The following UGT1A10 variants were observed in gnomAD, a reference collection of about 807,000 sequenced individuals.
UGT1A10 encodes the protein UDP-glucuronosyltransferase 1A10.
A neutral mutation model predicts 45.8 loss-of-function variants in UGT1A10; 49 were observed. The ratio of observed to expected loss-of-function variants is 1.07; its 90% CI spans 0.85 to 1.36. UGT1A10 has a LOEUF of 1.36. UGT1A10 is among the 40% of genes most tolerant of loss of function. The pLI, the probability that UGT1A10 is intolerant of heterozygous loss-of-function variation, is 0.00. For missense variants in UGT1A10, 745 were observed against 668.6 expected, an observed-to-expected ratio of 1.11 and a Z score of -1.26; for synonymous variants, 284 against 249.7, an observed-to-expected ratio of 1.14 and a Z score of -1.29.
At chr2:233,704,049 C>A (rs2075765509) in intron 1 of UGT1A10, among the ~76,000 whole-genome samples, 1 of 151,982 alleles carries the variant, frequency 6.6e-6, no homozygotes, top group African/African-American at 2.4e-5. Context: ...CACCAACATG[C>A]CTGGCTAATT....
chr2:233,640,276 G>C (rs1452147606), intron 1 of UGT1A10, among the ~76,000 whole-genome samples: 1 of 152,086 alleles, frequency 6.6e-6, no homozygotes, highest in African/African-American at 2.4e-5. Flanking sequence ...ATAATTTTCA[G>C]TGTTTTGCTG....
intron 1 of UGT1A10, chr2:233,761,044 G>A: frequency 1.9e-6 from 3 of 1,614,190 alleles, no homozygotes; most frequent in Non-Finnish European, 2.5e-6. Context: ...CTCTGCATCT[G>A]TCTGGCTGTT....
At chr2:233,751,711 C>G (rs1187587643) in intron 1 of UGT1A10, among the ~76,000 whole-genome samples, 1 of 152,190 alleles carries the variant, frequency 6.6e-6, no homozygotes, top group Non-Finnish European at 1.5e-5. Context: ...TCCTCCTTCA[C>G]TCACAAGTGA....
intron 1 of UGT1A10, among the ~76,000 whole-genome samples, chr2:233,661,839 G>A (rs1282958582): frequency 1.3e-5 from 2 of 151,358 alleles, no homozygotes; most frequent in Non-Finnish European, 1.5e-5. Flanking sequence ...CATCACTAGC[G>A]ACACTTTGTA....
intron 1 of UGT1A10, chr2:233,713,825 C>T: frequency 1.2e-6 from 2 of 1,614,052 alleles, no homozygotes; most frequent in South Asian, 2.2e-5. Flanking sequence ...TCATTGGGGG[C>T]ATCAACTGTG....
intron 1 of UGT1A10, among the ~76,000 whole-genome samples, chr2:233,661,172 T>C (rs1249586465): frequency 6.6e-6 from 1 of 151,898 alleles, no homozygotes; most frequent in East Asian, 1.9e-4. Flanking sequence ...CAGACTTTTT[T>C]TTTCTGAAAT....
At chr2:233,709,038 G>A (rs2076054065) in intron 1 of UGT1A10, among the ~76,000 whole-genome samples, 1 of 152,112 alleles carries the variant, frequency 6.6e-6, no homozygotes, top group Non-Finnish European at 1.5e-5. Flanking sequence ...TTCAGCCTGA[G>A]TTCTTTTCCC....
chr2:233,648,440 T>TTTATTATTA (rs71058568), intron 1 of UGT1A10: 2 of 156,596 alleles, frequency 1.3e-5, no homozygotes, highest in Non-Finnish European at 2.8e-5. Flanking sequence ...GCTGTGACTT[T>TTTATTATTA]TTATTATTAT....
chr2:233,671,967 T>A (rs779535598), intron 1 of UGT1A10: 1 of 1,613,876 alleles, frequency 6.2e-7, no homozygotes, highest in Non-Finnish European at 8.5e-7. Flanking sequence ...GCCCCCTTCC[T>A]CTATGTGTGT....
Position 233,772,812 on chromosome 2 carries a change from C to A in UGT1A10, c.*253C>A. ...ATGACATGTGCCATTTTTCAGAGGA[C>A]GTGCAGACAGGCTGGCATTCTAGAT... is the stretch of plus-strand genomic sequence containing the variant. On this transcript the variant is annotated 3_prime_UTR_variant, in exon 5 of 5. Transcript: ENST00000344644. The A allele has an allele frequency of 1.9e-6, 2 of 1,035,896 alleles. No homozygotes were observed. Among genetic ancestry groups the A allele is most frequent in the Non-Finnish European group, 2.6e-6 (2 of 759,452 alleles). 64.2% of individuals were successfully genotyped at this position (1,035,896 alleles called of 1,614,324 possible). A position where few individuals can be genotyped will look rare whatever the true frequency, so the allele number is the denominator to read the frequency against.
intron 1 of UGT1A10, among the ~76,000 whole-genome samples, chr2:233,758,187 G>A (rs1223519403): frequency 6.6e-6 from 1 of 152,214 alleles, no homozygotes; most frequent in African/African-American, 2.4e-5. Context: ...ATATTAATTG[G>A]ATTGCTTAGT....
intron 1 of UGT1A10, among the ~76,000 whole-genome samples, chr2:233,732,245 G>A (rs1417876377): frequency 2.0e-5 from 3 of 152,190 alleles, no homozygotes; most frequent in Non-Finnish European, 4.4e-5. Context: ...TAGGTTGCCT[G>A]TTCACTCTGA....
intron 1 of UGT1A10, chr2:233,693,167 G>A (rs1339801155): frequency 2.5e-6 from 4 of 1,614,062 alleles, no homozygotes; most frequent in Non-Finnish European, 3.4e-6. Flanking sequence ...CCGGGGTCAT[G>A]AGATTGTAGT....
At chr2:233,677,348 T>C (rs751226951) in intron 1 of UGT1A10, among the ~76,000 whole-genome samples, 21 of 152,102 alleles carry the variant, frequency 1.4e-4, no homozygotes, top group Non-Finnish European at 2.9e-4. Flanking sequence ...CCCTGAACAA[T>C]GTGGGAATGA....
At chr2:233,754,192 G>A (rs1695415440) in intron 1 of UGT1A10, 1 of 162,150 alleles carries the variant, frequency 6.2e-6, no homozygotes. Flanking sequence ...CCACCACACA[G>A]TAAAACATTG....
At chr2:233,755,021 G>C (rs1378604817) in intron 1 of UGT1A10, 1 of 1,305,166 alleles carries the variant, frequency 7.7e-7, no homozygotes, top group Non-Finnish European at 1.0e-6. Context: ...AGGGGTCCTT[G>C]AAGGGCCTGC....
At position 233,772,474 on chromosome 2, in the gene UGT1A10, C is replaced by G; in HGVS notation, c.1508C>G (p.Thr503Ser). The G allele has an allele frequency of 6.2e-7, 1 of 1,614,104 alleles. No individual in the cohort carries two copies. Among genetic ancestry groups the G allele is most frequent in the Non-Finnish European group, 8.5e-7 (1 of 1,180,024 alleles). Residue 503 changes from threonine (T) to serine (S), a missense_variant, in exon 5 of 5, where the codon ACC (threonine) becomes AGC (serine). By Grantham distance (58) the Thr-to-Ser change is moderately conservative. Transcript: ENST00000344644. ...GTCGTGCTGACAGTGGCCTTCATCA[C>G]CTTTAAATGTTGTGCTTATGGCTAC... is the stretch of plus-strand genomic sequence containing the variant. The part of the protein sequence containing the change: ...LAVVLTVAFI[T>S]FKCCAYGYRK...
chr2:233,731,991 A>G (rs989443870), intron 1 of UGT1A10, among the ~76,000 whole-genome samples: 3 of 152,160 alleles, frequency 2.0e-5, no homozygotes, highest in Non-Finnish European at 2.9e-5. Context: ...CTGGCGTGAG[A>G]TGGTATCTCA....
chr2:233,665,591 A>G (rs56125405), intron 1 of UGT1A10, among the ~76,000 whole-genome samples: 6,094 of 152,290 alleles, frequency 0.04, 145 homozygotes, highest in Non-Finnish European at 0.058. Flanking sequence ...GGCAGGAGAA[A>G]CAGTTTAGCA....
Sources: gnomAD v4.1 joint callset for allele counts (sites outside exome capture counted in the v4.1 genomes callset) on GRCh38, gnomAD v4.1.1 for gene constraint, MANE v1.5 for transcripts, NCBI Gene and HGNC (gene_info 2026-07-23, HGNC 2026-07-21) for gene names.